Variants in TIAM2 observed in about 807,000 individuals in gnomAD.
TIAM2 encodes TIAM Rac1 associated GEF 2.
TIAM2 carries 80 observed loss-of-function variants against 152.9 expected under a neutral mutation model. That is an observed-to-expected ratio of 0.52 (90% CI 0.44 to 0.63). The LOEUF (loss-of-function observed/expected upper bound fraction) is 0.63. Ranked by LOEUF, TIAM2 falls within the 30% of genes least tolerant of loss-of-function variation. The pLI is 0.00. For missense variants in TIAM2, 1,965 were observed against 2,120.1 expected (o/e 0.93, Z 1.44); for synonymous variants, 804 against 838.0 (o/e 0.96, Z 0.70).
rs59836931 is a variant in TIAM2 at position 155,203,048 on chromosome 6, C to CAAAAAA, written c.3065-8139_3065-8134dup. On this transcript the variant is annotated intron_variant, in intron 14 of 26. Coordinates refer to ENST00000682666, the MANE Select transcript of TIAM2 (RefSeq NM_012454.4). ...TGGGTGACAGAGCAAAACTCTGTCT[C>CAAAAAA]AAAAAAAAAAAAAAAAAAAAAAGAG... 8.6e-4 allele frequency among the ~76,000 whole-genome samples: 68 copies of CAAAAAA among 78,862 alleles called. 6 individuals carry two copies. Among genetic ancestry groups the CAAAAAA allele is most frequent in the African/African-American group, 3.8e-3 (56 of 14,832 alleles). 51.7% of individuals were successfully genotyped at this position (78,862 alleles called of 152,430 possible). A position where few individuals can be genotyped will look rare whatever the true frequency, so the allele number is the denominator to read the frequency against.
intron 9 of TIAM2, among the ~76,000 whole-genome samples, chr6:155,168,572 G>T (rs773609866): frequency 1.3e-5 from 2 of 152,024 alleles, no homozygotes; most frequent in African/African-American, 2.4e-5. Context: ...GGCCAGGCTG[G>T]TCTTGAACTC....
chr6:155,233,930 T>G (rs6916326), intron 15 of TIAM2, among the ~76,000 whole-genome samples: 20,240 of 149,332 alleles, frequency 0.14, 1,591 homozygotes, highest in Non-Finnish European at 0.19. Context: ...ACCACAGCAC[T>G]CCAGCCTGGG....
chr6:155,240,146 G>C (rs964717763), intron 15 of TIAM2, among the ~76,000 whole-genome samples: 1 of 152,204 alleles, frequency 6.6e-6, no homozygotes, highest in Non-Finnish European at 1.5e-5. Context: ...GAGGGGACTG[G>C]GTGGGCCTGT....
At chr6:155,060,721 C>T (rs1440470403) in intron 1 of TIAM2, among the ~76,000 whole-genome samples, 1 of 152,054 alleles carries the variant, frequency 6.6e-6, no homozygotes, top group South Asian at 2.1e-4. Flanking sequence ...CATGGTGAAA[C>T]CCTGTCTCTA....
chr6:155,027,139 G>A (rs1164646882), intron 1 of TIAM2, among the ~76,000 whole-genome samples: 5 of 151,524 alleles, frequency 3.3e-5, no homozygotes, highest in Admixed American at 2.0e-4. Context: ...GGGCTCAAAC[G>A]ATTCTCCTGC....
At chr6:155,082,823 A>G (rs1778096622) in intron 1 of TIAM2, among the ~76,000 whole-genome samples, 1 of 152,068 alleles carries the variant, frequency 6.6e-6, no homozygotes, top group Non-Finnish European at 1.5e-5. Context: ...GAGCCTTACT[A>G]TACTTGGAGC....
chr6:155,014,167 T>C (rs1778535296), intron 1 of TIAM2, among the ~76,000 whole-genome samples: 1 of 152,218 alleles, frequency 6.6e-6, no homozygotes, highest in Non-Finnish European at 1.5e-5. Context: ...TTGTATTCCA[T>C]TTTTAATTAA....
chr6:155,161,873 C>T (rs9397786), intron 7 of TIAM2, among the ~76,000 whole-genome samples: 70,881 of 151,726 alleles, frequency 0.47, 17,006 homozygotes, highest in East Asian at 0.55. Flanking sequence ...CCATCACTCC[C>T]GGCCTTTTTT....
chr6:155,217,573 C>T (rs1229216307), intron 15 of TIAM2, among the ~76,000 whole-genome samples: 1 of 152,106 alleles, frequency 6.6e-6, no homozygotes, highest in East Asian at 1.9e-4. Context: ...AAACATGAAA[C>T]CCATTTTCTA....
rs1269988174 is a variant in TIAM2, at chr6:155,129,693, A to G, written c.470A>G (p.Lys157Arg). The G allele has an allele frequency of 1.2e-6, 2 of 1,613,990 alleles. No individual in the cohort carries two copies. Among genetic ancestry groups the G allele is most frequent in the Non-Finnish European group, 1.7e-6 (2 of 1,180,032 alleles). The change falls in exon 4 of 27, where the codon AAG becomes AGG. Residue 157 changes from lysine to arginine, a missense_variant. Physicochemically the swap from Lys to Arg is conservative, Grantham distance 26. This residue lies in a region of TIAM2 where 1,025 missense variants were observed against 1,119.4 expected (regional missense o/e 0.92). Transcript: ENST00000682666. The surrounding 1 kb of genome is among the most constrained non-coding windows in gnomAD (Gnocchi z 4.8). ...IASTPPGEDR[K>R]SPRVLIKTLG... ...TCCACCCCACCGGGCGAAGACCGCA[A>G]GAGCCCCCGAGTGCTCATCAAAACG...
chr6:155,247,309 T>C (rs938500658), intron 19 of TIAM2, among the ~76,000 whole-genome samples: 1 of 152,198 alleles, frequency 6.6e-6, no homozygotes, highest in African/African-American at 2.4e-5. Flanking sequence ...AGGGTCTGGA[T>C]AACATTGCTT....
chr6:155,160,935 G>A (rs1010752136), intron 7 of TIAM2, among the ~76,000 whole-genome samples: 1 of 152,084 alleles, frequency 6.6e-6, no homozygotes, highest in Non-Finnish European at 1.5e-5. Flanking sequence ...TGAGATACTG[G>A]TTGTCTTGAA....
intron 1 of TIAM2, among the ~76,000 whole-genome samples, chr6:155,066,073 C>T (rs137896990): frequency 4.6e-5 from 7 of 152,182 alleles, no homozygotes; most frequent in Non-Finnish European, 7.3e-5. Context: ...GAAGCCTTCC[C>T]GGAAAAATGG....
At chr6:155,121,258 C>G (rs763118100) in intron 2 of TIAM2, among the ~76,000 whole-genome samples, 3 of 151,870 alleles carry the variant, frequency 2.0e-5, no homozygotes, top group Non-Finnish European at 4.4e-5. Flanking sequence ...AATGACAGAC[C>G]TGAAACAGCA....
chr6:155,122,900 A>T (rs2115026236), intron 2 of TIAM2, among the ~76,000 whole-genome samples: 1 of 151,216 alleles, frequency 6.6e-6, no homozygotes, highest in African/African-American at 2.4e-5. Context: ...TGTTTTTTAA[A>T]TTTTTTTCAG....
At chr6:155,187,501 A>G (rs1356270901) in intron 14 of TIAM2, among the ~76,000 whole-genome samples, 2 of 150,260 alleles carry the variant, frequency 1.3e-5, no homozygotes, top group African/African-American at 2.4e-5. Context: ...TGCAGATTCC[A>G]GGGTTTTGCT....
At chr6:155,062,036 T>G (rs1777590134) in intron 1 of TIAM2, among the ~76,000 whole-genome samples, 1 of 152,132 alleles carries the variant, frequency 6.6e-6, no homozygotes, top group South Asian at 2.1e-4. Flanking sequence ...TTATAAAGTA[T>G]GTAGCCTTTT....
intron 1 of TIAM2, among the ~76,000 whole-genome samples, chr6:155,039,631 G>A (rs1776984130): frequency 6.7e-6 from 1 of 149,378 alleles, no homozygotes; most frequent in Non-Finnish European, 1.5e-5. Context: ...GGGCGTTGGG[G>A]GCTGGGGGGT....
In TIAM2 at chr6:155,174,556, A is replaced by T. The variant is rs537114671; in HGVS notation, c.2362-2260A>T. Among the ~76,000 whole-genome samples the T allele has an allele frequency of 1.8e-4, 27 of 152,174 alleles. 2 individuals are homozygous for T. Among genetic ancestry groups the T allele is most frequent in the African/African-American group, 6.3e-4 (26 of 41,514 alleles). On this transcript the variant is annotated intron_variant, in intron 9 of 26. Transcript: ENST00000682666. This position sits in a 1 kb window ranked among gnomAD's most constrained non-coding sequence, Gnocchi z 4.2. ...CGGATAATTTTTATTTTTAGTAGAG[A>T]TAGGGTTTTACCATGTTGGCCAGGC... is the stretch of plus-strand genomic sequence containing the variant.
Sources: allele counts gnomAD v4.1 joint callset (sites outside exome capture counted in the v4.1 genomes callset), GRCh38; gene constraint gnomAD v4.1.1; regional missense constraint gnomAD v4.1.1; non-coding constraint Gnocchi (gnomAD v3.1); transcripts MANE v1.5; gene names NCBI Gene and HGNC (gene_info 2026-07-23, HGNC 2026-07-21).